The following CPEB1 variants were observed in gnomAD, a reference collection of about 807,000 sequenced individuals.
The protein encoded by CPEB1 is cytoplasmic polyadenylation element binding protein 1, also known as cytoplasmic polyadenylation element-binding protein 1.
In CPEB1, 7 loss-of-function variants were observed where a neutral mutation model predicts 65.8. That is an observed-to-expected ratio of 0.11 (90% CI 0.06 to 0.20). CPEB1 has a LOEUF of 0.20. Ranked by LOEUF, CPEB1 falls within the 10% of genes least tolerant of loss-of-function variation. The pLI is 1.00. For synonymous variants in CPEB1, 262 were observed against 260.0 expected (o/e 1.01, Z -0.08); for missense variants, 551 against 712.2 (o/e 0.77, Z 2.58).
chr15:82,648,105 A>G, upstream of CPEB1: 1 of 366,342 alleles, frequency 2.7e-6, no homozygotes, highest in Non-Finnish European at 4.8e-6. Context: ...CCCTCCTAGC[A>G]GGCCGAGCCG....
chr15:82,565,014 C>T (rs904805887), intron 4 of CPEB1, among the ~76,000 whole-genome samples: 3 of 152,276 alleles, frequency 2.0e-5, no homozygotes, highest in South Asian at 2.1e-4. Context: ...AGAATTAACA[C>T]GTGGGATGTC....
chr15:82,575,590 T>A (rs942382182), intron 3 of CPEB1, among the ~76,000 whole-genome samples: 13 of 152,102 alleles, frequency 8.5e-5, no homozygotes, highest in Non-Finnish European at 1.8e-4. Context: ...AAAGAAATCT[T>A]AACTGAAAAG....
Position 82,629,910 on chromosome 15 carries a change from G to C in CPEB1, c.-97-1354C>G, listed in dbSNP as rs2046097218. ...AGCCTCACGTCAGCCTCAAGTTCTT[G>C]AAGATTGGTACCCTCTGCAAACTGT... On this transcript the variant is annotated intron_variant, in intron 1 of 12. Transcript: ENST00000684509. 7 of 985,238 alleles carry C rather than the reference G, an allele frequency of 7.1e-6. No homozygotes were observed. In the African/African-American group the frequency reaches 1.0e-4, roughly 15 times the overall value. The allele number at this position is 985,238 out of a possible 1,614,324, so 61.0% of individuals were successfully genotyped here.
At chr15:82,552,313 T>TTA (rs2036410340) in intron 9 of CPEB1, among the ~76,000 whole-genome samples, 167 bp downstream of exon 9, 1 of 151,398 alleles carries the variant, frequency 6.6e-6, no homozygotes, top group Admixed American at 6.6e-5. Context: ...TTTTTTTTTT[T>TTA]AATGTAATTG....
chr15:82,585,644 G>A (rs1034426877), intron 3 of CPEB1, among the ~76,000 whole-genome samples: 9 of 152,042 alleles, frequency 5.9e-5, no homozygotes, highest in African/African-American at 1.2e-4. Flanking sequence ...TTCAAAACCC[G>A]AGCCCTTCCC....
chr15:82,611,260 AC>A (rs1354653993), intron 3 of CPEB1, among the ~76,000 whole-genome samples: 4 of 152,190 alleles, frequency 2.6e-5, no homozygotes, highest in African/African-American at 9.7e-5. Flanking sequence ...AAATCCATGT[AC>A]AAAAACCAGC....
intron 3 of CPEB1, among the ~76,000 whole-genome samples, chr15:82,603,239 A>C (rs1422111492): frequency 1.3e-5 from 2 of 152,064 alleles, no homozygotes; most frequent in Non-Finnish European, 2.9e-5. Flanking sequence ...TCCTCAATGA[A>C]TTGTCATTAC....
chr15:82,592,651 A>T (rs1003732787), intron 3 of CPEB1, among the ~76,000 whole-genome samples: 2 of 152,038 alleles, frequency 1.3e-5, no homozygotes, highest in Non-Finnish European at 2.9e-5. Flanking sequence ...TCTTTTTAAG[A>T]AGTACATATC....
At chr15:82,598,610 C>A (rs2042857017) in intron 3 of CPEB1, among the ~76,000 whole-genome samples, 1 of 151,970 alleles carries the variant, frequency 6.6e-6, no homozygotes, top group Admixed American at 6.6e-5. Context: ...CATGGTGAAA[C>A]CCTGTCTCTA....
At chr15:82,577,515 T>C (rs2040794446) in intron 3 of CPEB1, among the ~76,000 whole-genome samples, 1 of 152,164 alleles carries the variant, frequency 6.6e-6, no homozygotes, top group Admixed American at 6.5e-5. Context: ...AAATCTGTTT[T>C]TATTTTTTGA....
At position 82,546,560 on chromosome 15, in the gene CPEB1, T is replaced by G. The variant is rs186544327; in HGVS notation, c.1576-39A>C. ...AAATAAGATGATGAAGTGGCTCTTC[T>G]TACCAGGAGGCTCGATAGGCGATAG... On this transcript the variant is annotated intron_variant, in intron 11 of 12. Coordinates refer to ENST00000684509, the MANE Select transcript of CPEB1 (RefSeq NM_001365242.1). The G allele has an allele frequency of 2.0e-3, 3,088 of 1,514,634 alleles. 6 individuals carry two copies. The highest frequency in any genetic ancestry group is 2.6e-3 in the Middle Eastern group (15 of 5,876). 93.8% of individuals were successfully genotyped at this position (1,514,634 alleles called of 1,614,324 possible). A position where few individuals can be genotyped will look rare whatever the true frequency, so the allele number is the denominator to read the frequency against.
intron 1 of CPEB1, among the ~76,000 whole-genome samples, chr15:82,636,982 A>G (rs1000277808): frequency 1.6e-4 from 24 of 152,146 alleles, no homozygotes; most frequent in African/African-American, 5.8e-4. Context: ...TTCTTCATCA[A>G]TAAAAAAACA....
chr15:82,585,066 A>G (rs530060519), intron 3 of CPEB1, among the ~76,000 whole-genome samples: 11 of 152,062 alleles, frequency 7.2e-5, no homozygotes, highest in Non-Finnish European at 1.0e-4. Flanking sequence ...TCAATGACAA[A>G]ATGATATTAG....
intron 3 of CPEB1, among the ~76,000 whole-genome samples, chr15:82,626,790 A>C (rs2045812833): frequency 6.6e-6 from 1 of 152,244 alleles, no homozygotes; most frequent in Admixed American, 6.5e-5. Context: ...AATAAAAAAA[A>C]TCTCATTAAT....
chr15:82,608,888 A>G (rs2043874477), intron 3 of CPEB1, among the ~76,000 whole-genome samples: 1 of 152,246 alleles, frequency 6.6e-6, no homozygotes, highest in Non-Finnish European at 1.5e-5. Flanking sequence ...CAAAAGAAGA[A>G]TACACAATCT....
chr15:82,597,256 G>A (rs1476922212), intron 3 of CPEB1, among the ~76,000 whole-genome samples: 3 of 152,186 alleles, frequency 2.0e-5, no homozygotes, highest in Non-Finnish European at 4.4e-5. Context: ...GGCCTGGAAG[G>A]TCGAGGCTGC....
rs536018706 is a variant in CPEB1 at position 82,610,430 on chromosome 15, TTTA to T, written c.271+16760_271+16762del. 3.1e-3 allele frequency among the ~76,000 whole-genome samples: 467 copies of T among 152,226 alleles called. 2 individuals carry two copies. Among genetic ancestry groups the T allele is most frequent in the African/African-American group, 0.01 (431 of 41,538 alleles). The stretch of plus-strand genomic sequence containing the variant: ...GAAAACAAAATCATAGACCTATCTG[TTTA>T]TTAATCTAAATGCAGTGGCATCTAA... On this transcript the variant is annotated intron_variant, in intron 3 of 12. Coordinates refer to ENST00000684509, the MANE Select transcript of CPEB1 (RefSeq NM_001365242.1).
chr15:82,619,280 C>T (rs2045068569), intron 3 of CPEB1, among the ~76,000 whole-genome samples: 1 of 152,148 alleles, frequency 6.6e-6, no homozygotes, highest in Non-Finnish European at 1.5e-5. Flanking sequence ...CTTCTTATAC[C>T]ATGTACAAAA....
At chr15:82,580,210 G>A (rs942518426) in intron 3 of CPEB1, among the ~76,000 whole-genome samples, 1 of 151,000 alleles carries the variant, frequency 6.6e-6, no homozygotes, top group Admixed American at 6.6e-5. Context: ...AGTCCCAGTT[G>A]CTCGAGAGGC....
Sources: gnomAD v4.1 joint callset for allele counts (sites outside exome capture counted in the v4.1 genomes callset) on GRCh38, gnomAD v4.1.1 for gene constraint, MANE v1.5 for transcripts, NCBI Gene and HGNC (gene_info 2026-07-23, HGNC 2026-07-21) for gene names.